The following CNTNAP2 variants were observed in gnomAD, a reference collection of about 807,000 sequenced individuals.
The protein encoded by CNTNAP2 is contactin-associated protein-like 2.
Under a neutral mutation model 155.2 loss-of-function variants are expected in CNTNAP2, and 98 were observed. The ratio of observed to expected loss-of-function variants is 0.63; its 90% CI spans 0.54 to 0.75. CNTNAP2 has a LOEUF of 0.75. CNTNAP2 is among the 30% of genes least tolerant of loss of function. The pLI, the probability that CNTNAP2 is intolerant of heterozygous loss-of-function variation, is 0.00. For missense variants in CNTNAP2, 1,727 were observed against 1,688.1 expected, an observed-to-expected ratio of 1.02 and a Z score of -0.40; for synonymous variants, 651 against 631.2, an observed-to-expected ratio of 1.03 and a Z score of -0.47.
chr7:147,562,918 G>T (rs994695666), intron 12 of CNTNAP2, among the ~76,000 whole-genome samples: 5 of 152,158 alleles, frequency 3.3e-5, no homozygotes, highest in African/African-American at 9.7e-5. Flanking sequence ...CCAGAGGAAG[G>T]TGTGAGGTAT....
intron 3 of CNTNAP2, among the ~76,000 whole-genome samples, chr7:146,885,426 T>C (rs1795636068): frequency 6.6e-6 from 1 of 152,104 alleles, no homozygotes; most frequent in Non-Finnish European, 1.5e-5. Flanking sequence ...TTGAGGCATT[T>C]CCTGGGATTT....
chr7:147,198,521 C>G (rs1024587978), intron 8 of CNTNAP2, among the ~76,000 whole-genome samples: 1 of 152,164 alleles, frequency 6.6e-6, no homozygotes, highest in East Asian at 1.9e-4. Context: ...TGTGAGCCAC[C>G]GCGCCAGGCT....
intron 11 of CNTNAP2, among the ~76,000 whole-genome samples, chr7:147,487,101 A>T (rs763446225): frequency 4.6e-5 from 7 of 152,210 alleles, no homozygotes; most frequent in Non-Finnish European, 1.0e-4. Flanking sequence ...ACAGCTCTCT[A>T]AGCCTTTCCA....
chr7:146,305,750 T>C (rs192813177), intron 1 of CNTNAP2, among the ~76,000 whole-genome samples: 1 of 151,992 alleles, frequency 6.6e-6, no homozygotes, highest in East Asian at 1.9e-4. Context: ...TAAAGCAGCG[T>C]GTAGGGGGAA....
At chr7:146,723,478 TA>T (rs1476018799) in intron 1 of CNTNAP2, among the ~76,000 whole-genome samples, 2 of 152,174 alleles carry the variant, frequency 1.3e-5, no homozygotes, top group Admixed American at 6.5e-5. Context: ...TTAGACTTAC[TA>T]AAATTATACC....
chr7:147,133,032 G>C (rs932524224), intron 8 of CNTNAP2, among the ~76,000 whole-genome samples: 1 of 152,080 alleles, frequency 6.6e-6, no homozygotes, highest in Non-Finnish European at 1.5e-5. Flanking sequence ...GGAATGACAA[G>C]ATTTGTGTAT....
At chr7:148,082,493 G>A (rs11982188) in intron 15 of CNTNAP2, among the ~76,000 whole-genome samples, 2,874 of 152,236 alleles carry the variant, frequency 0.019, 86 homozygotes, top group African/African-American at 0.066. Flanking sequence ...AGGAGATAGA[G>A]GAGGAGTGTG....
chr7:146,258,824 A>T (rs1057227824), intron 1 of CNTNAP2, among the ~76,000 whole-genome samples: 3 of 152,224 alleles, frequency 2.0e-5, no homozygotes, highest in Non-Finnish European at 4.4e-5. Flanking sequence ...GTTTGGTTGT[A>T]TAAAATATGC....
At chr7:146,244,419 G>A (rs1018069043) in intron 1 of CNTNAP2, among the ~76,000 whole-genome samples, 2 of 152,098 alleles carry the variant, frequency 1.3e-5, no homozygotes, top group Non-Finnish European at 2.9e-5. Context: ...AAGTTGATCT[G>A]GTGTCTGGAA....
At chr7:146,333,944 A>G (rs1801227812) in intron 1 of CNTNAP2, among the ~76,000 whole-genome samples, 1 of 152,332 alleles carries the variant, frequency 6.6e-6, no homozygotes, top group Admixed American at 6.5e-5. Context: ...TCACATGACC[A>G]TACCTATCTG....
intron 2 of CNTNAP2, among the ~76,000 whole-genome samples, chr7:146,803,787 A>G (rs996726756): frequency 3.3e-5 from 5 of 152,358 alleles, no homozygotes; most frequent in Middle Eastern, 6.8e-3. Flanking sequence ...GTTAAAATGT[A>G]TGCTCCAAGG....
At chr7:146,959,959 G>A (rs940916064) in intron 3 of CNTNAP2, among the ~76,000 whole-genome samples, 12 of 152,054 alleles carry the variant, frequency 7.9e-5, no homozygotes, top group Admixed American at 3.3e-4. Context: ...AAGAGAGCAG[G>A]GGCTTTAAAA....
intron 1 of CNTNAP2, among the ~76,000 whole-genome samples, chr7:146,695,755 A>G (rs1345216619): frequency 1.3e-5 from 2 of 152,120 alleles, no homozygotes; most frequent in African/African-American, 2.4e-5. Context: ...AAATAAGCAT[A>G]TATTTAGCAT....
chr7:146,298,867 T>C lies in CNTNAP2; in HGVS notation c.97+181894T>C, dbSNP rs1309361308. The stretch of plus-strand genomic sequence containing the variant: ...GGAAGAGCATGCCCTTGACAGTCAC[T>C]GTGACTTGAGTTTGCGTGCTAGCAC... On this transcript the variant is annotated intron_variant, in intron 1 of 23. Coordinates refer to ENST00000361727, the MANE Select transcript of CNTNAP2 (RefSeq NM_014141.6). 4.6e-5 allele frequency among the ~76,000 whole-genome samples: 7 copies of C among 152,192 alleles called. No homozygotes were observed. In the East Asian group the frequency reaches 1.3e-3, roughly 29 times the overall value.
intron 1 of CNTNAP2, among the ~76,000 whole-genome samples, chr7:146,393,200 C>A (rs2129106864): frequency 6.6e-6 from 1 of 152,254 alleles, no homozygotes; most frequent in South Asian, 2.1e-4. Context: ...TACTCAGGTG[C>A]TTAGAAATTT....
chr7:147,014,010 G>A (rs952020088), intron 3 of CNTNAP2, among the ~76,000 whole-genome samples: 3 of 152,156 alleles, frequency 2.0e-5, no homozygotes, highest in African/African-American at 7.2e-5. Flanking sequence ...GAAGCACAGT[G>A]AGTTATGAAA....
intron 1 of CNTNAP2, among the ~76,000 whole-genome samples, chr7:146,218,954 G>T (rs1799161379): frequency 1.3e-5 from 2 of 152,108 alleles, no homozygotes; most frequent in South Asian, 2.1e-4. Context: ...GCATTATAAA[G>T]ACACTATCTG....
At chr7:146,473,072 G>A (rs1455310924) in intron 1 of CNTNAP2, among the ~76,000 whole-genome samples, 2 of 151,854 alleles carry the variant, frequency 1.3e-5, no homozygotes, top group Admixed American at 6.6e-5. Flanking sequence ...TTCAACATTT[G>A]AGATTTAAAG....
At chr7:146,726,908 T>A (rs537154585) in intron 1 of CNTNAP2, among the ~76,000 whole-genome samples, 8 of 152,302 alleles carry the variant, frequency 5.3e-5, no homozygotes, top group Middle Eastern at 3.4e-3. Flanking sequence ...TCTCCATTTT[T>A]AAAAATAAAC....
Sources: gnomAD v4.1 joint callset for allele counts (sites outside exome capture counted in the v4.1 genomes callset) on GRCh38, gnomAD v4.1.1 for gene constraint, MANE v1.5 for transcripts, NCBI Gene and HGNC (gene_info 2026-07-23, HGNC 2026-07-21) for gene names.